The following SLC4A8 variants were observed in gnomAD, a reference collection of about 807,000 sequenced individuals.
The protein encoded by SLC4A8 is solute carrier family 4 member 8.
A neutral mutation model predicts 125.0 loss-of-function variants in SLC4A8; 40 were observed. The ratio of observed to expected loss-of-function variants is 0.32; its 90% confidence interval spans 0.25 to 0.42. SLC4A8 has a LOEUF of 0.42. Ranked by LOEUF, SLC4A8 falls within the 10% of genes least tolerant of loss-of-function variation. The pLI, the probability that SLC4A8 is intolerant of heterozygous loss-of-function variation, is 1.00. For synonymous variants in SLC4A8, 456 were observed against 476.0 expected (o/e 0.96, Z 0.55); for missense variants, 863 against 1,355.1 (o/e 0.64, Z 5.70).
At position 51,489,558 on chromosome 12, in the gene SLC4A8, C is replaced by T. The variant is rs1358494716; in HGVS notation, c.2449-142C>T. On this transcript the variant is annotated intron_variant, in intron 18 of 24. Coordinates refer to ENST00000453097, the MANE Select transcript of SLC4A8 (RefSeq NM_001039960.3). The stretch of plus-strand genomic sequence containing the variant: ...GTTTCCTCCTAACCAGGAGGGGCTA[C>T]AAGACTCCTCTTGGATCCCTGAACC... The T allele has an allele frequency of 6.9e-6, 7 of 1,008,374 alleles. No individual in the cohort carries two copies. The Admixed American group carries it at 1.7e-4, about 25-fold the overall frequency. The allele number at this position is 1,008,374 out of a possible 1,614,324, so 62.5% of individuals were successfully genotyped here. A position where few individuals can be genotyped will look rare whatever the true frequency, so the allele number is the denominator to read the frequency against.
chr12:51,505,107 G>A (rs1249813875), intron 23 of SLC4A8, among the ~76,000 whole-genome samples: 2 of 152,298 alleles, frequency 1.3e-5, no homozygotes, highest in African/African-American at 2.4e-5. Context: ...AACTTTCTAC[G>A]TGTTGTTGTG....
At chr12:51,489,311 A>G (rs1951242121) in intron 18 of SLC4A8, among the ~76,000 whole-genome samples, 1 of 152,104 alleles carries the variant, frequency 6.6e-6, no homozygotes, top group African/African-American at 2.4e-5. Flanking sequence ...AAATCTGTCA[A>G]GGATCTGGGG....
intron 1 of SLC4A8, among the ~76,000 whole-genome samples, chr12:51,425,567 C>A (rs1401355856): frequency 6.6e-6 from 1 of 152,138 alleles, no homozygotes; most frequent in Non-Finnish European, 1.5e-5. Flanking sequence ...GAACAGACAC[C>A]TGAAAACTTC....
intron 23 of SLC4A8, among the ~76,000 whole-genome samples, chr12:51,504,530 G>A (rs1042813562): frequency 9.2e-5 from 14 of 152,196 alleles, no homozygotes; most frequent in African/African-American, 3.1e-4. Flanking sequence ...GAAAGATTAG[G>A]ATTCAAACCC....
chr12:51,485,608 C>A (rs566801339), intron 16 of SLC4A8, among the ~76,000 whole-genome samples, 179 bp from the exon 17 acceptor site: 1 of 152,258 alleles, frequency 6.6e-6, no homozygotes, highest in South Asian at 2.1e-4. Context: ...TCATCATATC[C>A]ACACTTTATG....
chr12:51,451,057 GC>G, intron 3 of SLC4A8, 35 bp downstream of exon 3: 2 of 1,422,814 alleles, frequency 1.4e-6, no homozygotes, highest in Non-Finnish European at 1.8e-6. Context: ...GGTGTCCATG[GC>G]CCAGGGGAAT....
In SLC4A8 at chr12:51,457,505, G is replaced by A. The variant is rs1259357437; in HGVS notation, c.729G>A (p.Lys243=). 11 of 1,613,942 alleles carry A rather than the reference G, an allele frequency of 6.8e-6. No individual in the cohort carries two copies. The highest frequency in any genetic ancestry group is 9.3e-6 in the Non-Finnish European group (11 of 1,179,960). Residue 243 remains lysine, a synonymous_variant, in exon 6 of 25, where the codon AAG becomes AAA. Transcript: ENST00000453097. ...PIVRSFAEVG[K]KQSDPHLMDK... ...TTCGCTCCTTTGCTGAGGTTGGCAA[G>A]AAGCAGTCTGATCCTCATTTGATGG...
intron 1 of SLC4A8, among the ~76,000 whole-genome samples, chr12:51,393,057 T>TTA (rs1485475138): frequency 3.0e-4 from 14 of 46,854 alleles, no homozygotes; most frequent in Non-Finnish European, 5.7e-4. Flanking sequence ...TTTCTTACTC[T>TTA]CTCTGTCTCT....
At chr12:51,480,161 A>T in intron 16 of SLC4A8, 1 of 633,950 alleles carries the variant, frequency 1.6e-6, no homozygotes, top group South Asian at 1.7e-5. Flanking sequence ...GGATGGTCTC[A>T]ATCTCTTGAC....
At chr12:51,439,477 T>A (rs1005876980) in intron 1 of SLC4A8, among the ~76,000 whole-genome samples, 2 of 152,050 alleles carry the variant, frequency 1.3e-5, no homozygotes, top group Non-Finnish European at 2.9e-5. Context: ...GTGTTGAGGC[T>A]GAGATCAAAG....
At chr12:51,404,591 T>C (rs889893261) in intron 1 of SLC4A8, among the ~76,000 whole-genome samples, 1 of 152,138 alleles carries the variant, frequency 6.6e-6, no homozygotes. Flanking sequence ...GATGGAATCA[T>C]TAGATGGGAA....
chr12:51,486,643 G>C (rs1951170770), intron 17 of SLC4A8, among the ~76,000 whole-genome samples: 1 of 152,214 alleles, frequency 6.6e-6, no homozygotes. Flanking sequence ...GAGAAAATCT[G>C]TGCGTACTCA....
intron 15 of SLC4A8, among the ~76,000 whole-genome samples, chr12:51,474,817 G>T (rs1256776245): frequency 1.3e-5 from 2 of 152,144 alleles, no homozygotes; most frequent in African/African-American, 4.8e-5. Flanking sequence ...AGCCTTGGAA[G>T]TAGTATTGTT....
At chr12:51,433,573 A>G (rs1949265977) in intron 1 of SLC4A8, among the ~76,000 whole-genome samples, 1 of 152,164 alleles carries the variant, frequency 6.6e-6, no homozygotes, top group South Asian at 2.1e-4. Flanking sequence ...GCCCATTTAC[A>G]AGCACCCTAG....
In SLC4A8 at chr12:51,458,663, G is replaced by A; in HGVS notation, c.855+13G>A. 1 of 1,593,002 alleles carries A rather than the reference G, an allele frequency of 6.3e-7. No individual in the cohort carries two copies. Among genetic ancestry groups the A allele is most frequent in the Middle Eastern group, 1.7e-4 (1 of 6,022 alleles). On this transcript the variant is annotated intron_variant, in intron 7 of 24. Transcript: ENST00000453097. Reference sequence around the variant, plus strand: ...GGATTTAAGCAAGGTGAGCAGAGTGGTGGGAAGTTGGCTTCAAGGCCTAAG... The same window carrying A: ...GGATTTAAGCAAGGTGAGCAGAGTGATGGGAAGTTGGCTTCAAGGCCTAAG...
intron 14 of SLC4A8, among the ~76,000 whole-genome samples, chr12:51,473,466 T>C (rs769186867): frequency 2.0e-4 from 31 of 152,224 alleles, no homozygotes; most frequent in Non-Finnish European, 3.1e-4. Flanking sequence ...AACCTAAGTA[T>C]AGGGCTTTAT....
intron 1 of SLC4A8, chr12:51,391,924 A>T (rs2137887691): frequency 6.6e-6 from 1 of 152,544 alleles, no homozygotes; most frequent in Non-Finnish European, 1.5e-5. Flanking sequence ...GCATTAGCAG[A>T]GCCGCGGGCG....
At chr12:51,502,831 C>A (rs1422817797) in intron 22 of SLC4A8, among the ~76,000 whole-genome samples, 2 of 148,752 alleles carry the variant, frequency 1.3e-5, no homozygotes, top group Non-Finnish European at 3.0e-5. Context: ...CCACCACGCC[C>A]GACTAATTTT....
At chr12:51,396,946 T>C (rs1332533561) in intron 1 of SLC4A8, among the ~76,000 whole-genome samples, 4 of 147,814 alleles carry the variant, frequency 2.7e-5, no homozygotes, top group African/African-American at 1.0e-4. Flanking sequence ...TTTTTTTTTT[T>C]TGAGACGGAG....
Sources: gnomAD v4.1 joint callset for allele counts (sites outside exome capture counted in the v4.1 genomes callset) on GRCh38, gnomAD v4.1.1 for gene constraint, MANE v1.5 for transcripts, NCBI Gene and HGNC (gene_info 2026-07-23, HGNC 2026-07-21) for gene names.